FKTN: variants seen among roughly 807,000 people sequenced by gnomAD.
FKTN encodes fukutin.
Under a neutral mutation model 58.6 loss-of-function variants are expected in FKTN, and 47 were observed. That is an observed-to-expected ratio of 0.80 (90% CI 0.63 to 1.02). FKTN has a LOEUF of 1.02. Among genes scored for constraint, FKTN ranks in the 50% least tolerant of loss-of-function variants. The probability of loss-of-function intolerance (pLI) is 0.00; values close to 1 mark genes in which losing one functional copy is unlikely to be tolerated. For missense variants in FKTN, 516 were observed against 537.3 expected, an observed-to-expected ratio of 0.96 and a Z score of 0.39; for synonymous variants, 178 against 191.9, an observed-to-expected ratio of 0.93 and a Z score of 0.60.
At position 105,635,107 on chromosome 9, in the gene FKTN, A is replaced by G. The variant is rs1375258599; in HGVS notation, c.1229A>G (p.His410Arg). The G allele has an allele frequency of 6.2e-7, 1 of 1,614,180 alleles. No individual in the cohort carries two copies. The highest frequency in any genetic ancestry group is 8.5e-7 in the Non-Finnish European group (1 of 1,180,006). Residue 410 changes from histidine to arginine, a missense_variant, in exon 11 of 11, where the codon CAT (histidine) becomes CGT (arginine). His to Arg is a conservative substitution (Grantham distance 29). Coordinates refer to ENST00000357998, the MANE Select transcript of FKTN (RefSeq NM_001079802.2). ...ACTGAGTTTGTAGACATGAAGGTCC[A>G]TGTACCCTGTGAAACCCTCGAATAC... Reference protein sequence around the residue: ...CWTEFVDMKVHVPCETLEYIE... With the variant: ...CWTEFVDMKVRVPCETLEYIE...
intron 3 of FKTN, among the ~76,000 whole-genome samples, chr9:105,577,636 T>G (rs964314187): frequency 2.0e-5 from 3 of 150,040 alleles, no homozygotes; most frequent in African/African-American, 7.6e-5. Flanking sequence ...GGCTTAGGAT[T>G]GACTTGGCGA....
In FKTN at chr9:105,601,275, C is replaced by T. The variant is rs768260007; in HGVS notation, c.296C>T (p.Ser99Leu). 1.9e-6 allele frequency: 3 copies of T among 1,612,614 alleles called. No individual in the cohort carries two copies. In the African/African-American group the frequency reaches 4.0e-5, roughly 22 times the overall value. The change falls in exon 5 of 11, where the codon TCA (serine) becomes TTA (leucine). Residue 99 changes from serine (S) to leucine (L), a missense_variant. Physicochemically the swap from Ser to Leu is moderately radical, Grantham distance 145 (BLOSUM62 -2). Transcript: ENST00000357998. The stretch of plus-strand genomic sequence containing the variant: ...AAAAATACTTCTCATGGCTCTACTT[C>T]ACAATGCAAGTTTTTCTGTGTTCCA... ...QVKNTSHGST[S>L]QCKFFCVPRD...
chr9:105,604,294 T>G lies in FKTN; in HGVS notation c.449T>G (p.Ile150Arg). 6.2e-7 allele frequency: 1 copy of G among 1,613,680 alleles called. No homozygotes were observed. Among genetic ancestry groups the G allele is most frequent in the South Asian group, 1.1e-5 (1 of 91,060 alleles). ...AGTAAAGATCCCCGGCTAGACGGGA[T>G]AGACTCACTCTCTGGAACTGAAATC... is the stretch of plus-strand genomic sequence containing the variant. ...IESKDPRLDG[I>R]DSLSGTEIPL... Residue 150 changes from isoleucine (I) to arginine (R), a missense_variant, in exon 6 of 11, where the codon ATA becomes AGA. Transcript: ENST00000357998.
At position 105,621,788 on chromosome 9, in the gene FKTN, G is replaced by A. The variant is rs554247627; in HGVS notation, c.1172+1727G>A. On this transcript the variant is annotated intron_variant, in intron 10 of 10. Coordinates refer to ENST00000357998, the MANE Select transcript of FKTN (RefSeq NM_001079802.2). ...TAGCTGCATTTTATTCCATTGTATG[G>A]CAATACCATAATTTATTCAACCAAT... Among the ~76,000 whole-genome samples, 23 of 152,024 alleles carry A rather than the reference G, an allele frequency of 1.5e-4. No individual in the cohort carries two copies. The South Asian group carries it at 3.9e-3, about 26-fold the overall frequency.
At chr9:105,576,316 A>T (rs547328923) in intron 3 of FKTN, among the ~76,000 whole-genome samples, 1 of 150,780 alleles carries the variant, frequency 6.6e-6, no homozygotes, top group Non-Finnish European at 1.5e-5. Context: ...ATCCCTCCCC[A>T]CTCCCACCAC....
chr9:105,575,143 T>G lies in FKTN; in HGVS notation c.105+6T>G, dbSNP rs754468850. 2.8e-6 allele frequency: 4 copies of G among 1,425,754 alleles called. No individual in the cohort carries two copies. In the East Asian group the frequency reaches 9.1e-5, roughly 32 times the overall value. The allele number at this position is 1,425,754 out of a possible 1,614,324, so 88.3% of individuals were successfully genotyped here. ...AGCACTATTTATCAACAAAGGTAAT[T>G]TTATTCCTTCTTTCTTATCATTCCT... On this transcript the variant is annotated splice_donor_region_variant and intron_variant, in intron 3 of 10. Coordinates refer to ENST00000357998, the MANE Select transcript of FKTN (RefSeq NM_001079802.2).
chr9:105,631,734 G>C (rs1445077584), intron 10 of FKTN, among the ~76,000 whole-genome samples: 11 of 148,570 alleles, frequency 7.4e-5, no homozygotes, highest in Admixed American at 1.3e-4. Context: ...TCTCACACCA[G>C]TTAGAATGGC....
chr9:105,604,430 T>G lies in FKTN; in HGVS notation c.585T>G (p.Ile195Met). The change falls in exon 6 of 11, where the codon ATT (isoleucine) becomes ATG (methionine). Residue 195 changes from isoleucine to methionine, a missense_variant. Physicochemically the swap from Ile to Met is conservative, Grantham distance 10. Coordinates refer to ENST00000357998, the MANE Select transcript of FKTN (RefSeq NM_001079802.2). ...WHGHLRLKEHIDRKFVPFRKL... is the reference protein window; with the variant it reads ...WHGHLRLKEHMDRKFVPFRKL... ...GCCACTTGAGACTTAAAGAACACAT[T>G]GACAGGAAATTTGTTCCCTTCCGAA... 1 of 1,614,154 alleles carries G rather than the reference T, an allele frequency of 6.2e-7. No individual in the cohort carries two copies. The highest frequency in any genetic ancestry group is 8.5e-7 in the Non-Finnish European group (1 of 1,179,966).
At chr9:105,565,681 C>T (rs751986506) in intron 1 of FKTN, among the ~76,000 whole-genome samples, 1 of 152,182 alleles carries the variant, frequency 6.6e-6, no homozygotes, top group East Asian at 1.9e-4. Flanking sequence ...GAGACTTAGA[C>T]TCCCATACAA....
In FKTN at chr9:105,630,335, T is replaced by A. The variant is rs1160704178; in HGVS notation, c.1173-4716T>A. ...GTGATCATTAGTTAAAATGTGAAAA[T>A]GATAAAATTTTCTAGAAAAATAAAT... is the stretch of plus-strand genomic sequence containing the variant. On this transcript the variant is annotated intron_variant, in intron 10 of 10. Coordinates refer to ENST00000357998, the MANE Select transcript of FKTN (RefSeq NM_001079802.2). Among the ~76,000 whole-genome samples the A allele has an allele frequency of 2.6e-5, 4 of 152,174 alleles. No individual in the cohort carries two copies. In the East Asian group the frequency reaches 7.7e-4, roughly 29 times the overall value.
At chr9:105,573,952 A>AC (rs1368544305) in intron 2 of FKTN, among the ~76,000 whole-genome samples, 1 of 152,174 alleles carries the variant, frequency 6.6e-6, no homozygotes, top group Non-Finnish European at 1.5e-5. Flanking sequence ...GGTAAGTGGT[A>AC]CCCCTAAGTT....
chr9:105,570,072 T>G (rs1840471959), intron 1 of FKTN, among the ~76,000 whole-genome samples: 2 of 152,286 alleles, frequency 1.3e-5, no homozygotes, highest in South Asian at 2.1e-4. Context: ...TTTTATATTT[T>G]TAAACGTTTA....
At chr9:105,596,796 G>C in intron 4 of FKTN, 139 bp downstream of exon 4, 2 of 716,654 alleles carry the variant, frequency 2.8e-6, no homozygotes, top group Non-Finnish European at 5.1e-6. Context: ...GGCAGGTAAG[G>C]GACAGGCCCT....
chr9:105,609,223 C>T (rs1476431399), intron 7 of FKTN, among the ~76,000 whole-genome samples: 2 of 152,190 alleles, frequency 1.3e-5, no homozygotes, highest in South Asian at 2.1e-4. Flanking sequence ...AAATGTAATG[C>T]TTGGTGTAAA....
intron 3 of FKTN, among the ~76,000 whole-genome samples, chr9:105,592,469 T>G (rs1845075341): frequency 6.6e-6 from 1 of 152,026 alleles, no homozygotes; most frequent in Non-Finnish European, 1.5e-5. Flanking sequence ...AAACCCTGTC[T>G]CTACTAAAAA....
intron 3 of FKTN, among the ~76,000 whole-genome samples, chr9:105,594,512 C>T (rs1424412153): frequency 1.3e-5 from 2 of 152,174 alleles, no homozygotes; most frequent in Non-Finnish European, 2.9e-5. Context: ...AATCCCAGCA[C>T]TTTGGGAGGC....
Position 105,617,991 on chromosome 9 carries a change from A to G in FKTN, c.943A>G (p.Ser315Gly). ...TCGACAATGCAACATTATTCCTTATAGCAAAGATGTTGACCTAGGAATTTT... is the reference window on the plus strand; with the variant it reads ...TCGACAATGCAACATTATTCCTTATGGCAAAGATGTTGACCTAGGAATTTT... The part of the protein sequence containing the change: ...WYRQCNIIPY[S>G]KDVDLGIFIQ... The change falls in exon 9 of 11, where the codon AGC (serine) becomes GGC (glycine). Residue 315 changes from serine (S) to glycine (G), a missense_variant. By Grantham distance (56) the Ser-to-Gly change is moderately conservative. Transcript: ENST00000357998. 6.3e-7 allele frequency: 1 copy of G among 1,591,676 alleles called. No homozygotes were observed. The highest frequency in any genetic ancestry group is 8.6e-7 in the Non-Finnish European group (1 of 1,159,612).
At chr9:105,604,090 G>T in intron 5 of FKTN, 125 bp from the exon 6 acceptor site, 3 of 964,026 alleles carry the variant, frequency 3.1e-6, no homozygotes, top group Admixed American at 1.8e-5. Flanking sequence ...TTACAGAGCA[G>T]ATTAGCACAA....
intron 4 of FKTN, among the ~76,000 whole-genome samples, chr9:105,599,458 G>T (rs1827440654): frequency 7.0e-6 from 1 of 142,956 alleles, no homozygotes; most frequent in African/African-American, 2.6e-5. Flanking sequence ...TTTTTGTAAG[G>T]TCTTTGTCAG....
Sources: gnomAD v4.1 joint callset for allele counts (sites outside exome capture counted in the v4.1 genomes callset) on GRCh38, gnomAD v4.1.1 for gene constraint, MANE v1.5 for transcripts, NCBI Gene and HGNC (gene_info 2026-07-23, HGNC 2026-07-21) for gene names.